Variants in SPOCK1 observed in about 807,000 individuals in gnomAD.
SPOCK1 encodes testican-1.
In SPOCK1, 23 loss-of-function variants were observed where a neutral mutation model predicts 55.3. The ratio of observed to expected loss-of-function variants is 0.42; its 90% CI spans 0.30 to 0.59. The LOEUF (loss-of-function observed/expected upper bound fraction) is 0.59, where lower values mean the gene tolerates loss of function less well. Among genes scored for constraint, SPOCK1 ranks in the 20% least tolerant of loss-of-function variants. The pLI, the probability that SPOCK1 is intolerant of heterozygous loss-of-function variation, is 0.22. For synonymous variants in SPOCK1, 226 were observed against 221.0 expected, an observed-to-expected ratio of 1.02 and a Z score of -0.20; for missense variants, 499 against 552.5, an observed-to-expected ratio of 0.90 and a Z score of 0.97.
intron 2 of SPOCK1, among the ~76,000 whole-genome samples, chr5:137,390,922 G>A (rs1450439547): frequency 6.6e-6 from 1 of 152,150 alleles, no homozygotes; most frequent in Non-Finnish European, 1.5e-5. Flanking sequence ...TAAGTTCTGG[G>A]ATACATGTGC....
At chr5:137,138,357 C>T (rs1172378568) in intron 4 of SPOCK1, among the ~76,000 whole-genome samples, 1 of 152,080 alleles carries the variant, frequency 6.6e-6, no homozygotes, top group African/African-American at 2.4e-5. Flanking sequence ...CCTGGATATG[C>T]CTGAATATCA....
intron 6 of SPOCK1, among the ~76,000 whole-genome samples, chr5:137,024,277 A>G (rs1220051555): frequency 6.9e-6 from 1 of 144,554 alleles, no homozygotes; most frequent in Non-Finnish European, 1.5e-5. Flanking sequence ...TCTGCCAGAC[A>G]GATAAATTCC....
At chr5:137,170,894 T>C (rs1392585483) in intron 3 of SPOCK1, among the ~76,000 whole-genome samples, 2 of 152,200 alleles carry the variant, frequency 1.3e-5, no homozygotes, top group Non-Finnish European at 2.9e-5. Flanking sequence ...GAGACTCACC[T>C]GAGTGCACAG....
At chr5:137,114,951 G>A (rs1223152631) in intron 4 of SPOCK1, among the ~76,000 whole-genome samples, 5 of 152,228 alleles carry the variant, frequency 3.3e-5, no homozygotes, top group African/African-American at 7.2e-5. Flanking sequence ...GCCTAAGGGA[G>A]CTTAGCCAAA....
intron 8 of SPOCK1, 37 bp from the exon 9 acceptor site, chr5:136,985,239 T>C: frequency 6.3e-7 from 1 of 1,579,442 alleles, no homozygotes; most frequent in Non-Finnish European, 8.7e-7. Context: ...TTCCAGATGG[T>C]ATGGAGTATA....
intron 2 of SPOCK1, among the ~76,000 whole-genome samples, chr5:137,384,894 T>C (rs1751566778): frequency 6.6e-6 from 1 of 152,178 alleles, no homozygotes; most frequent in African/African-American, 2.4e-5. Context: ...GAAGACCCTC[T>C]TTCTAAATAA....
At chr5:137,039,490 T>G (rs562080011) in intron 6 of SPOCK1, among the ~76,000 whole-genome samples, 1 of 152,284 alleles carries the variant, frequency 6.6e-6, no homozygotes, top group African/African-American at 2.4e-5. Context: ...CCCTGTATGC[T>G]GACCTTTGCA....
At chr5:137,061,277 G>A (rs1240483245) in intron 6 of SPOCK1, among the ~76,000 whole-genome samples, 1 of 152,154 alleles carries the variant, frequency 6.6e-6, no homozygotes, top group Non-Finnish European at 1.5e-5. Context: ...CAGCTAGGAG[G>A]AACTCCTTAC....
chr5:137,384,499 T>C (rs1021441141), intron 2 of SPOCK1, among the ~76,000 whole-genome samples: 5 of 151,884 alleles, frequency 3.3e-5, no homozygotes, highest in African/African-American at 4.9e-5. Context: ...CACACAGACT[T>C]GGTGGCATAT....
At chr5:137,203,159 A>G (rs1755456969) in intron 3 of SPOCK1, among the ~76,000 whole-genome samples, 1 of 152,184 alleles carries the variant, frequency 6.6e-6, no homozygotes, top group South Asian at 2.1e-4. Flanking sequence ...CTAACTGATG[A>G]CAGCCTGTCT....
intron 2 of SPOCK1, among the ~76,000 whole-genome samples, chr5:137,458,258 C>T (rs1017362747): frequency 1.3e-5 from 2 of 152,192 alleles, no homozygotes; most frequent in African/African-American, 2.4e-5. Context: ...ACAAGCTTTG[C>T]TCATCATTTC....
intron 8 of SPOCK1, among the ~76,000 whole-genome samples, chr5:136,987,566 T>A (rs1197459586): frequency 6.6e-6 from 1 of 152,228 alleles, no homozygotes; most frequent in Non-Finnish European, 1.5e-5. Context: ...CTAGTAATTT[T>A]AAGAACATAT....
At chr5:137,187,450 A>G (rs903993947) in intron 3 of SPOCK1, among the ~76,000 whole-genome samples, 7 of 151,724 alleles carry the variant, frequency 4.6e-5, no homozygotes, top group African/African-American at 7.3e-5. Flanking sequence ...TCACCCTTCT[A>G]CCCTCTAGTT....
intron 3 of SPOCK1, among the ~76,000 whole-genome samples, chr5:137,248,037 A>G (rs1348913403): frequency 1.3e-5 from 2 of 152,156 alleles, no homozygotes; most frequent in East Asian, 3.9e-4. Context: ...GCAGTTTTAG[A>G]TAAAAGTTTA....
At chr5:137,221,066 A>G (rs1475236158) in intron 3 of SPOCK1, among the ~76,000 whole-genome samples, 1 of 152,146 alleles carries the variant, frequency 6.6e-6, no homozygotes, top group African/African-American at 2.4e-5. Context: ...TTTGAGAAAA[A>G]CTGGAATATA....
intron 5 of SPOCK1, among the ~76,000 whole-genome samples, chr5:137,107,973 C>T (rs1753398387): frequency 6.6e-6 from 1 of 151,894 alleles, no homozygotes; most frequent in Non-Finnish European, 1.5e-5. Context: ...ATGATTTTGA[C>T]TTAATGACAT....
At chr5:137,168,598 A>G (rs1836298) in intron 3 of SPOCK1, among the ~76,000 whole-genome samples, 3,248 of 152,232 alleles carry the variant, frequency 0.021, 100 homozygotes, top group East Asian at 0.14. Context: ...GCAGGTATAT[A>G]AAAAGGTGCT....
intron 2 of SPOCK1, among the ~76,000 whole-genome samples, chr5:137,344,532 A>G (rs1750510924): frequency 6.6e-6 from 1 of 152,188 alleles, no homozygotes; most frequent in Non-Finnish European, 1.5e-5. Flanking sequence ...CAATGTCTGG[A>G]GATAATTCTG....
chr5:137,407,255 T>C (rs961788260), intron 2 of SPOCK1, among the ~76,000 whole-genome samples: 11 of 152,344 alleles, frequency 7.2e-5, no homozygotes, highest in African/African-American at 2.6e-4. Flanking sequence ...TTAGAGCAAT[T>C]GATCTTTTTT....
Sources: gnomAD v4.1 joint callset for allele counts (sites outside exome capture counted in the v4.1 genomes callset) on GRCh38, gnomAD v4.1.1 for gene constraint, MANE v1.5 for transcripts, NCBI Gene and HGNC (gene_info 2026-07-23, HGNC 2026-07-21) for gene names.